The following TBX5 variants were observed in gnomAD, a reference collection of about 807,000 sequenced individuals.
The protein encoded by TBX5 is T-box transcription factor 5.
In TBX5, 8 loss-of-function variants were observed where a neutral mutation model predicts 51.1. The observed-to-expected ratio is 0.16, with a 90% CI of 0.09 to 0.28. The LOEUF (loss-of-function observed/expected upper bound fraction) is 0.28, where lower values mean the gene tolerates loss of function less well. Among genes scored for constraint, TBX5 ranks in the 10% least tolerant of loss-of-function variants. The probability of loss-of-function intolerance (pLI) is 1.00; values close to 1 mark genes in which losing one functional copy is unlikely to be tolerated. For missense variants in TBX5, 589 were observed against 671.7 expected (o/e 0.88, Z 1.36); for synonymous variants, 302 against 266.4 (o/e 1.13, Z -1.30).
chr12:114,355,752 C>A lies in TBX5; in HGVS notation c.1337G>T (p.Gly446Val), dbSNP rs1400474943. 6.2e-7 allele frequency: 1 copy of A among 1,614,092 alleles called. No individual in the cohort carries two copies. The highest frequency in any genetic ancestry group is 1.1e-5 in the South Asian group (1 of 91,080). The change falls in exon 9 of 9, where the codon GGC becomes GTC. Residue 446 changes from glycine to valine, a missense_variant. Physicochemically the swap from Gly to Val is moderately radical, Grantham distance 109 (BLOSUM62 -3). Coordinates refer to ENST00000405440, the MANE Select transcript of TBX5 (RefSeq NM_181486.4). ...VPRLAGMANH[G>V]SPQLGEGMFQ... is the part of the protein sequence containing the mutation. ...CATTCCCTCTCCCAGCTGTGGGGAG[C>A]CATGGTTGGCCATGCCAGCCAGCCG...
intron 7 of TBX5, among the ~76,000 whole-genome samples, chr12:114,383,437 G>T (rs1870623640): frequency 6.6e-6 from 1 of 152,152 alleles, no homozygotes; most frequent in Non-Finnish European, 1.5e-5. Context: ...GACAAACCTA[G>T]GGGGGTGGCC....
chr12:114,392,098 C>T (rs541790640), intron 6 of TBX5, among the ~76,000 whole-genome samples: 11 of 150,066 alleles, frequency 7.3e-5, no homozygotes, highest in African/African-American at 2.0e-4. Flanking sequence ...CCGTGAAATA[C>T]GCATATATCC....
At chr12:114,378,999 G>A (rs1254818676) in intron 7 of TBX5, among the ~76,000 whole-genome samples, 1 of 152,170 alleles carries the variant, frequency 6.6e-6, no homozygotes, top group Admixed American at 6.5e-5. Flanking sequence ...AACACCCTGA[G>A]TCTGCCAAGC....
chr12:114,393,499 T>C (rs1871266214), intron 6 of TBX5, among the ~76,000 whole-genome samples: 1 of 152,170 alleles, frequency 6.6e-6, no homozygotes, highest in Non-Finnish European at 1.5e-5. Context: ...ATTAAATCCC[T>C]CCTGCCACCC....
upstream of TBX5, among the ~76,000 whole-genome samples, chr12:114,407,604 C>G (rs1306668811): frequency 6.6e-6 from 1 of 152,212 alleles, no homozygotes; most frequent in African/African-American, 2.4e-5. Flanking sequence ...CACAGATGGT[C>G]TGGGCCACCA....
intron 7 of TBX5, among the ~76,000 whole-genome samples, chr12:114,376,376 T>C (rs1364973606): frequency 6.6e-6 from 1 of 152,102 alleles, no homozygotes; most frequent in Non-Finnish European, 1.5e-5. Context: ...CATTGTTAAG[T>C]GAAACAAGCC....
At chr12:114,399,414 TAAAA>T in intron 4 of TBX5, 95 bp downstream of exon 4, 22 of 1,404,598 alleles carry the variant, frequency 1.6e-5, no homozygotes, top group Non-Finnish European at 1.8e-5. Flanking sequence ...CAGTAGGAAC[TAAAA>T]AAAAAAAAAA....
chr12:114,400,501 G>T (rs1001907040), intron 3 of TBX5, among the ~76,000 whole-genome samples: 1 of 152,230 alleles, frequency 6.6e-6, no homozygotes, highest in Non-Finnish European at 1.5e-5. Flanking sequence ...GATTCTCAAG[G>T]CTGGCCCGGG....
chr12:114,371,706 C>A (rs898697036), intron 7 of TBX5, among the ~76,000 whole-genome samples: 2 of 151,028 alleles, frequency 1.3e-5, no homozygotes, highest in Non-Finnish European at 2.9e-5. Context: ...TCTCTTGGAG[C>A]AAATTCCTCT....
At position 114,405,842 on chromosome 12, in the gene TBX5, G is replaced by A. The variant is rs903684687; in HGVS notation, c.-253C>T. On this transcript the variant is annotated 5_prime_UTR_variant, in exon 1 of 9. Coordinates refer to ENST00000405440, the MANE Select transcript of TBX5 (RefSeq NM_181486.4). ...CCAACACACACCTCCTCTGCTGTGC[G>A]CTTGCTCTCCCTAAATACTTCCCAG... The A allele has an allele frequency of 2.3e-5, 23 of 985,502 alleles. No individual in the cohort carries two copies. The highest frequency in any genetic ancestry group is 2.5e-5 in the Non-Finnish European group (21 of 830,002). The allele number at this position is 985,502 out of a possible 1,614,324, so 61.0% of individuals were successfully genotyped here. A position where few individuals can be genotyped will look rare whatever the true frequency, so the allele number is the denominator to read the frequency against.
chr12:114,405,866 A>G lies in TBX5; in HGVS notation c.-277T>C. On this transcript the variant is annotated 5_prime_UTR_variant, in exon 1 of 9. Transcript: ENST00000405440. ...CGCTTGCTCTCCCTAAATACTTCCC[A>G]GTTGGCAAGCGCCAAAGAACACAAA... 1 of 985,452 alleles carries G rather than the reference A, an allele frequency of 1.0e-6. No homozygotes were observed. Among genetic ancestry groups the G allele is most frequent in the Non-Finnish European group, 1.2e-6 (1 of 829,982 alleles). 61.0% of individuals were successfully genotyped at this position (985,452 alleles called of 1,614,324 possible).
intron 8 of TBX5, among the ~76,000 whole-genome samples, chr12:114,358,258 G>C (rs1347357369): frequency 6.6e-6 from 1 of 152,190 alleles, no homozygotes; most frequent in African/African-American, 2.4e-5. Flanking sequence ...GAGATAGAGT[G>C]GTGAACATGA....
intron 4 of TBX5, 77 bp downstream of exon 4, chr12:114,399,435 CT>C: frequency 1.3e-6 from 2 of 1,576,394 alleles, no homozygotes; most frequent in Non-Finnish European, 1.7e-6. Flanking sequence ...AAAAAGTTCA[CT>C]GATACAACTT....
chr12:114,360,251 C>G (rs1869155576), intron 8 of TBX5, among the ~76,000 whole-genome samples: 1 of 152,152 alleles, frequency 6.6e-6, no homozygotes, highest in African/African-American at 2.4e-5. Flanking sequence ...CTCATTCTGA[C>G]AGATGGCCCC....
intron 8 of TBX5, among the ~76,000 whole-genome samples, chr12:114,365,019 A>G (rs1282090032): frequency 6.6e-6 from 1 of 152,092 alleles, no homozygotes; most frequent in Non-Finnish European, 1.5e-5. Context: ...AAGGGCCACC[A>G]GAAAATTCTT....
At chr12:114,357,004 ATGG>A (rs1868957486) in intron 8 of TBX5, among the ~76,000 whole-genome samples, 2 of 151,572 alleles carry the variant, frequency 1.3e-5, no homozygotes, top group African/African-American at 4.9e-5. Flanking sequence ...GGATGGATGG[ATGG>A]ATGGATGGAT....
rs781250527 is a variant in TBX5, at chr12:114,405,223, C to G, written c.-39+405G>C. On this transcript the variant is annotated intron_variant, in intron 1 of 8. Coordinates refer to ENST00000405440, the MANE Select transcript of TBX5 (RefSeq NM_181486.4). The stretch of plus-strand genomic sequence containing the variant: ...GACTTGCAAGCAGCTTTCTTCGCCT[C>G]GTTCTCGGGGCTTCAGGGAGGCGGC... Among the ~76,000 whole-genome samples the G allele has an allele frequency of 2.0e-5, 3 of 152,196 alleles. No homozygotes were observed. The East Asian group carries it at 5.8e-4, about 29-fold the overall frequency.
chr12:114,380,997 G>A (rs143300210), intron 7 of TBX5, among the ~76,000 whole-genome samples: 102 of 152,114 alleles, frequency 6.7e-4, no homozygotes, highest in African/African-American at 2.4e-3. Flanking sequence ...CTTGAGACAG[G>A]ATGTTTAAAT....
In TBX5 at chr12:114,392,742, G is replaced by A. The variant is rs532037774; in HGVS notation, c.663+1999C>T. Among the ~76,000 whole-genome samples the A allele has an allele frequency of 4.0e-5, 6 of 151,808 alleles. No homozygotes were observed. The East Asian group carries it at 5.8e-4, about 15-fold the overall frequency. On this transcript the variant is annotated intron_variant, in intron 6 of 8. Coordinates refer to ENST00000405440, the MANE Select transcript of TBX5 (RefSeq NM_181486.4). ...TTGCTATTTTTTTTTTCCTGTGACCGTCACCGCAAAGCTAAACACAGGTTT... is the reference window on the plus strand; with the variant it reads ...TTGCTATTTTTTTTTTCCTGTGACCATCACCGCAAAGCTAAACACAGGTTT...
Sources: gnomAD v4.1 joint callset for allele counts (sites outside exome capture counted in the v4.1 genomes callset) on GRCh38, gnomAD v4.1.1 for gene constraint, MANE v1.5 for transcripts, NCBI Gene and HGNC (gene_info 2026-07-23, HGNC 2026-07-21) for gene names.